The following ARK2C variants were observed in gnomAD, a reference collection of about 807,000 sequenced individuals.
ARK2C encodes the protein E3 ubiquitin-protein ligase ARK2C.
At chr18:46,417,252 C>T in the ARK2C span, among the ~76,000 whole-genome samples, 1 of 152,234 alleles carries the variant, frequency 6.6e-6, no homozygotes, top group African/African-American at 2.4e-5. Context: ...CTTCTGCAGC[C>T]TATTCTATTC....
the ARK2C span, among the ~76,000 whole-genome samples, chr18:46,351,135 C>T: frequency 6.6e-6 from 1 of 152,196 alleles, no homozygotes; most frequent in South Asian, 2.1e-4. Flanking sequence ...GCACAATCTT[C>T]TTTGCTGGGA....
At chr18:46,350,531 C>T in the ARK2C span, among the ~76,000 whole-genome samples, 1 of 152,112 alleles carries the variant, frequency 6.6e-6, no homozygotes, top group Non-Finnish European at 1.5e-5. Flanking sequence ...CAGGAGCGCC[C>T]CCAACCCCAA....
the ARK2C span, among the ~76,000 whole-genome samples, chr18:46,438,173 C>A: frequency 6.6e-6 from 1 of 152,260 alleles, no homozygotes; most frequent in Non-Finnish European, 1.5e-5. Context: ...TCTGGGTTAA[C>A]CCTGTGGCTT....
At chr18:46,383,840 C>G in the ARK2C span, among the ~76,000 whole-genome samples, 2 of 152,090 alleles carry the variant, frequency 1.3e-5, no homozygotes, top group Non-Finnish European at 2.9e-5. Context: ...CGTGAGCCAC[C>G]GCGCCCGGCC....
At chr18:46,425,500 T>C in the ARK2C span, among the ~76,000 whole-genome samples, 1 of 152,200 alleles carries the variant, frequency 6.6e-6, no homozygotes, top group African/African-American at 2.4e-5. Context: ...TGGAAGGCAG[T>C]GCCTCTCAGC....
At chr18:46,437,325 C>T in the ARK2C span, among the ~76,000 whole-genome samples, 1 of 152,212 alleles carries the variant, frequency 6.6e-6, no homozygotes, top group East Asian at 1.9e-4. Flanking sequence ...ATTGTGCTAA[C>T]TGCATCCCAG....
the ARK2C span, among the ~76,000 whole-genome samples, chr18:46,371,530 C>G: frequency 6.6e-6 from 1 of 152,142 alleles, no homozygotes; most frequent in African/African-American, 2.4e-5. Flanking sequence ...GCATTTCTGA[C>G]CAAAAGAGGA....
At chr18:46,334,581 T>A in the ARK2C span, 4 of 490,182 alleles carry the variant, frequency 8.2e-6, no homozygotes, top group Non-Finnish European at 1.4e-5. This position sits in a 1 kb window ranked among gnomAD's most constrained non-coding sequence, Gnocchi z 4.4. Context: ...CCCCATTTTT[T>A]ATTTTTTGCG....
At chr18:46,431,250 A>T in the ARK2C span, among the ~76,000 whole-genome samples, 2 of 152,180 alleles carry the variant, frequency 1.3e-5, no homozygotes. Context: ...AAAATTTGGT[A>T]GGTTCTCTTT....
the ARK2C span, chr18:46,435,330 A>G: frequency 1.2e-6 from 2 of 1,614,108 alleles, no homozygotes; most frequent in Non-Finnish European, 1.7e-6. Flanking sequence ...CACCGCCTCC[A>G]TCCCAGCTTC....
chr18:46,454,160 A>T, the ARK2C span, among the ~76,000 whole-genome samples: 1,103 of 151,620 alleles, frequency 7.3e-3, 52 homozygotes, highest in East Asian at 0.14. Context: ...GGTTAATGAA[A>T]CGAGAAGATA....
the ARK2C span, among the ~76,000 whole-genome samples, chr18:46,380,516 C>T: frequency 6.6e-6 from 1 of 152,218 alleles, no homozygotes; most frequent in South Asian, 2.1e-4. Flanking sequence ...GTTCTCAGGG[C>T]TCTACCTGTG....
chr18:46,358,445 G>A, the ARK2C span, among the ~76,000 whole-genome samples: 4 of 152,312 alleles, frequency 2.6e-5, no homozygotes, highest in Non-Finnish European at 2.9e-5. Flanking sequence ...TGGGAATCAC[G>A]TAAAATGAGG....
the ARK2C span, among the ~76,000 whole-genome samples, chr18:46,368,487 G>C: frequency 6.6e-6 from 1 of 152,324 alleles, no homozygotes; most frequent in South Asian, 2.1e-4. Context: ...CTGTGGGTCT[G>C]CGTGTGCCCA....
chr18:46,337,292 G>A, the ARK2C span: 1 of 985,242 alleles, frequency 1.0e-6, no homozygotes, highest in African/African-American at 1.7e-5. Flanking sequence ...GTGTTCTGCT[G>A]TGCTGAATTA....
At chr18:46,405,043 C>T in the ARK2C span, among the ~76,000 whole-genome samples, 2 of 152,122 alleles carry the variant, frequency 1.3e-5, no homozygotes, top group African/African-American at 4.8e-5. Context: ...TGGCAAGACC[C>T]CACCAATTTT....
At chr18:46,444,338 T>C in the ARK2C span, among the ~76,000 whole-genome samples, 1 of 152,210 alleles carries the variant, frequency 6.6e-6, no homozygotes, top group Admixed American at 6.5e-5. Context: ...TTCCCTAAAA[T>C]ATTTTTTCTG....
At chr18:46,363,953 T>C in the ARK2C span, among the ~76,000 whole-genome samples, 1 of 145,888 alleles carries the variant, frequency 6.9e-6, no homozygotes, top group Non-Finnish European at 1.5e-5. Context: ...TTCTTTTTTT[T>C]TTTTTTTTGA....
At chr18:46,404,787 T>TACACACACACACACACAC in the ARK2C span, among the ~76,000 whole-genome samples, 3 of 149,936 alleles carry the variant, frequency 2.0e-5, no homozygotes, top group African/African-American at 7.4e-5. Context: ...CACACACACA[T>TACACACACACACACACAC]ACACACACAC....
Sources: gnomAD v4.1 joint callset for allele counts (sites outside exome capture counted in the v4.1 genomes callset) on GRCh38, gnomAD v4.1.1 for gene constraint, Gnocchi (gnomAD v3.1) non-coding constraint, MANE v1.5 for transcripts, NCBI Gene and HGNC (gene_info 2026-07-23, HGNC 2026-07-21) for gene names.